PAPPA: variants seen among roughly 807,000 people sequenced by gnomAD.
PAPPA encodes the protein pappalysin 1, also known as pappalysin-1.
A neutral mutation model predicts 164.0 loss-of-function variants in PAPPA; 60 were observed. The observed-to-expected ratio is 0.37, with a 90% confidence interval of 0.30 to 0.45. The LOEUF (loss-of-function observed/expected upper bound fraction) is 0.45, where lower values mean the gene tolerates loss of function less well. PAPPA is among the 20% of genes least tolerant of loss of function. The pLI is 1.00. For missense variants in PAPPA, 1,782 were observed against 2,087.3 expected, an observed-to-expected ratio of 0.85 and a Z score of 2.85; for synonymous variants, 875 against 814.1, an observed-to-expected ratio of 1.07 and a Z score of -1.27.
chr9:116,276,019 TTG>T (rs1845193259), intron 9 of PAPPA, among the ~76,000 whole-genome samples: 1 of 152,152 alleles, frequency 6.6e-6, no homozygotes, highest in African/African-American at 2.4e-5. Flanking sequence ...CTTCATCCCT[TTG>T]CAATGTGGAA....
At chr9:116,370,482 A>G (rs541575976) in intron 19 of PAPPA, among the ~76,000 whole-genome samples, 3 of 152,208 alleles carry the variant, frequency 2.0e-5, no homozygotes, top group Middle Eastern at 3.4e-3. Flanking sequence ...ATGGCTTACC[A>G]GGGATGTGCT....
At chr9:116,284,545 C>CTTTTTTTTTTTTTT (rs61248033) in intron 9 of PAPPA, among the ~76,000 whole-genome samples, 1 of 88,238 alleles carries the variant, frequency 1.1e-5, no homozygotes, top group African/African-American at 4.6e-5. Context: ...TAGTCTGGGC[C>CTTTTTTTTTTTTTT]TTTTTTTTTT....
At chr9:116,182,745 G>A (rs1003622848) in intron 1 of PAPPA, among the ~76,000 whole-genome samples, 1 of 152,104 alleles carries the variant, frequency 6.6e-6, no homozygotes, top group Admixed American at 6.5e-5. Flanking sequence ...CAAGCTTCTG[G>A]GGGCCTATGG....
At chr9:116,245,159 G>A (rs1404112176) in intron 7 of PAPPA, among the ~76,000 whole-genome samples, 4 of 151,638 alleles carry the variant, frequency 2.6e-5, no homozygotes, top group Non-Finnish European at 4.4e-5. Flanking sequence ...CACTCAGAAG[G>A]GTGGGGGAAT....
intron 7 of PAPPA, among the ~76,000 whole-genome samples, chr9:116,264,075 G>GA (rs1455071881): frequency 8.5e-5 from 13 of 152,098 alleles, no homozygotes; most frequent in African/African-American, 2.4e-4. Context: ...CTGTATTTTA[G>GA]AAAAAAATGA....
chr9:116,263,961 A>T (rs922078433), intron 7 of PAPPA, among the ~76,000 whole-genome samples: 5 of 152,182 alleles, frequency 3.3e-5, no homozygotes, highest in Non-Finnish European at 5.9e-5. Flanking sequence ...ACCCCCATCT[A>T]CTTAGACAAT....
intron 10 of PAPPA, among the ~76,000 whole-genome samples, chr9:116,316,875 G>C (rs929129090): frequency 3.3e-5 from 5 of 152,188 alleles, no homozygotes; most frequent in African/African-American, 1.2e-4. Flanking sequence ...AAAAGGAAGA[G>C]AGCGAATCAT....
At chr9:116,158,919 G>A (rs754043853) in intron 1 of PAPPA, among the ~76,000 whole-genome samples, 11 of 152,298 alleles carry the variant, frequency 7.2e-5, no homozygotes, top group Non-Finnish European at 1.0e-4. Flanking sequence ...CCAAGTCCTC[G>A]TTTCCTCTGT....
At chr9:116,320,333 G>A (rs116861799) in intron 10 of PAPPA, among the ~76,000 whole-genome samples, 6 of 152,272 alleles carry the variant, frequency 3.9e-5, no homozygotes, top group East Asian at 1.9e-4. Context: ...CTGGAGCAAC[G>A]AGGTGCTAAT....
chr9:116,157,893 GC>G lies in PAPPA; in HGVS notation c.415+3313del, dbSNP rs533782853. ...AGACCCCTGTTCCTCATCCCCAACT[GC>G]CCCCCCAACACCCCTCCAGTTTGAA... On this transcript the variant is annotated intron_variant, in intron 1 of 21. Transcript: ENST00000328252. Among the ~76,000 whole-genome samples the G allele has an allele frequency of 1.6e-4, 25 of 151,554 alleles. No homozygotes were observed. The East Asian group carries it at 4.1e-3, about 25-fold the overall frequency.
At chr9:116,294,274 G>A (rs770654786) in intron 9 of PAPPA, among the ~76,000 whole-genome samples, 2 of 152,150 alleles carry the variant, frequency 1.3e-5, no homozygotes, top group Non-Finnish European at 2.9e-5. Context: ...ATGTGGGTAT[G>A]TGGCCAACCT....
intron 3 of PAPPA, among the ~76,000 whole-genome samples, chr9:116,207,972 C>A (rs919526225): frequency 6.6e-6 from 1 of 152,168 alleles, no homozygotes; most frequent in African/African-American, 2.4e-5. Flanking sequence ...CTAGTTCCTG[C>A]AAATATCTTC....
At chr9:116,264,883 G>A (rs184181967) in intron 7 of PAPPA, among the ~76,000 whole-genome samples, 2 of 152,276 alleles carry the variant, frequency 1.3e-5, no homozygotes, top group African/African-American at 4.8e-5. Context: ...ACATATATTT[G>A]CCTTGGAGGA....
At chr9:116,251,011 T>C (rs1410269276) in intron 7 of PAPPA, among the ~76,000 whole-genome samples, 1 of 152,122 alleles carries the variant, frequency 6.6e-6, no homozygotes, top group Non-Finnish European at 1.5e-5. Flanking sequence ...GTATAGGAAA[T>C]GAGAGAACAC....
chr9:116,229,870 G>A (rs1844568440), intron 6 of PAPPA, among the ~76,000 whole-genome samples: 1 of 152,180 alleles, frequency 6.6e-6, no homozygotes, highest in African/African-American at 2.4e-5. Flanking sequence ...GAGGTACTTG[G>A]AAGGTAGAAT....
At chr9:116,224,153 G>T (rs1016309981) in intron 5 of PAPPA, among the ~76,000 whole-genome samples, 2 of 152,084 alleles carry the variant, frequency 1.3e-5, no homozygotes, top group African/African-American at 4.8e-5. Flanking sequence ...GAATACAAGG[G>T]TTTCCCTTAA....
chr9:116,224,304 A>T (rs1844478922), intron 5 of PAPPA, among the ~76,000 whole-genome samples: 1 of 152,182 alleles, frequency 6.6e-6, no homozygotes, highest in South Asian at 2.1e-4. Context: ...TGTTTCAGTT[A>T]TCTGACAATT....
At chr9:116,349,125 A>C (rs1588015276) in intron 15 of PAPPA, among the ~76,000 whole-genome samples, 4 of 131,746 alleles carry the variant, frequency 3.0e-5, no homozygotes, top group Admixed American at 2.3e-4. Context: ...TACCAAGTCT[A>C]CCCCCCTGCT....
intron 7 of PAPPA, among the ~76,000 whole-genome samples, chr9:116,264,785 G>A (rs1322959761): frequency 6.6e-6 from 1 of 152,190 alleles, no homozygotes; most frequent in Admixed American, 6.5e-5. Context: ...TGATGCAGAG[G>A]TAGATGAAAG....
Sources: allele counts gnomAD v4.1 joint callset (sites outside exome capture counted in the v4.1 genomes callset), GRCh38; gene constraint gnomAD v4.1.1; transcripts MANE v1.5; gene names NCBI Gene and HGNC (gene_info 2026-07-23, HGNC 2026-07-21).